The following CDC42BPA variants were observed in gnomAD, a reference collection of about 807,000 sequenced individuals.
The protein encoded by CDC42BPA is CDC42 binding protein kinase alpha.
Under a neutral mutation model 223.5 loss-of-function variants are expected in CDC42BPA, and 80 were observed. The ratio of observed to expected loss-of-function variants is 0.36; its 90% CI spans 0.30 to 0.43. The LOEUF (loss-of-function observed/expected upper bound fraction) is 0.43, where lower values mean the gene tolerates loss of function less well. CDC42BPA is among the 20% of genes least tolerant of loss of function. The pLI, the probability that CDC42BPA is intolerant of heterozygous loss-of-function variation, is 1.00. For missense variants in CDC42BPA, 1,743 were observed against 2,099.9 expected (o/e 0.83, Z 3.32); for synonymous variants, 694 against 718.6 (o/e 0.97, Z 0.55).
intron 34 of CDC42BPA, among the ~76,000 whole-genome samples, chr1:227,009,644 AGGCT>A (rs1664785452): frequency 6.6e-6 from 1 of 151,940 alleles, no homozygotes; most frequent in South Asian, 2.1e-4. Context: ...TCAAACTCCT[AGGCT>A]CAAGTGGTCC....
chr1:227,240,826 T>C (rs1679892531), intron 2 of CDC42BPA, among the ~76,000 whole-genome samples: 1 of 151,908 alleles, frequency 6.6e-6, no homozygotes, highest in African/African-American at 2.4e-5. Context: ...GATCTGAGTA[T>C]AAACAAGGAT....
chr1:227,011,302 A>T (rs1174721785), intron 34 of CDC42BPA, among the ~76,000 whole-genome samples: 1 of 152,222 alleles, frequency 6.6e-6, no homozygotes, highest in East Asian at 1.9e-4. Flanking sequence ...AAAATAAGTA[A>T]GGAGAAATTG....
At chr1:227,221,868 C>A in intron 2 of CDC42BPA, among the ~76,000 whole-genome samples, 1 of 151,550 alleles carries the variant, frequency 6.6e-6, no homozygotes, top group East Asian at 1.9e-4. Flanking sequence ...AGCCATAAAA[C>A]CTAAAAATAT....
chr1:227,040,976 T>C (rs1671247006), intron 23 of CDC42BPA, among the ~76,000 whole-genome samples: 1 of 152,210 alleles, frequency 6.6e-6, no homozygotes, highest in African/African-American at 2.4e-5. Context: ...AAATAACCTT[T>C]CATTCTGTTG....
chr1:227,254,384 T>C (rs928978372), intron 1 of CDC42BPA, among the ~76,000 whole-genome samples: 8 of 152,220 alleles, frequency 5.3e-5, no homozygotes, highest in Non-Finnish European at 1.0e-4. Flanking sequence ...GAGAAATGTA[T>C]GTTTAAACTC....
chr1:227,053,204 G>C (rs116582527), intron 21 of CDC42BPA, among the ~76,000 whole-genome samples: 12 of 152,312 alleles, frequency 7.9e-5, no homozygotes, highest in Non-Finnish European at 1.3e-4. Context: ...GTTAAAAACA[G>C]TCAACTTCTG....
intron 1 of CDC42BPA, among the ~76,000 whole-genome samples, chr1:227,264,422 G>C (rs1392934578): frequency 7.0e-6 from 1 of 143,552 alleles, no homozygotes; most frequent in East Asian, 1.9e-4. Flanking sequence ...AAAGATTCCA[G>C]GATCAGATTT....
At chr1:227,237,874 T>TA (rs1679349718) in intron 2 of CDC42BPA, among the ~76,000 whole-genome samples, 1 of 151,736 alleles carries the variant, frequency 6.6e-6, no homozygotes, top group Non-Finnish European at 1.5e-5. Context: ...ACCCTGTCTC[T>TA]ACTAAGAATA....
intron 14 of CDC42BPA, among the ~76,000 whole-genome samples, chr1:227,104,895 CTG>C (rs1458420507): frequency 2.0e-5 from 3 of 152,106 alleles, no homozygotes; most frequent in Non-Finnish European, 4.4e-5. Flanking sequence ...TGAGACAGTT[CTG>C]TGTTTTAAGC....
rs568954921 is a variant in CDC42BPA, at chr1:227,084,442, C to T, written c.2356-3425G>A. 1.5e-4 allele frequency among the ~76,000 whole-genome samples: 22 copies of T among 151,136 alleles called. No individual in the cohort carries two copies. In the East Asian group the frequency reaches 2.9e-3, roughly 20 times the overall value. On this transcript the variant is annotated intron_variant, in intron 16 of 36. Coordinates refer to ENST00000366766, the MANE Select transcript of CDC42BPA (RefSeq NM_001394014.1). ...ACTTGGGAGGCTGAGGCAGGAAAATCGCTTGAACTCAGGAGGCGGAGGTTG... is the reference window on the plus strand; with the variant it reads ...ACTTGGGAGGCTGAGGCAGGAAAATTGCTTGAACTCAGGAGGCGGAGGTTG...
chr1:227,301,564 T>C (rs992792115), intron 1 of CDC42BPA, among the ~76,000 whole-genome samples: 1 of 152,174 alleles, frequency 6.6e-6, no homozygotes, highest in African/African-American at 2.4e-5. Flanking sequence ...TTCACTATGT[T>C]GGCTAGGATG....
intron 4 of CDC42BPA, among the ~76,000 whole-genome samples, chr1:227,199,289 G>C (rs554763361): frequency 6.6e-6 from 1 of 152,206 alleles, no homozygotes; most frequent in South Asian, 2.1e-4. Flanking sequence ...AAAAACTCCT[G>C]AAGACCGTCT....
At chr1:227,059,495 A>G in intron 21 of CDC42BPA, 2 of 1,225,284 alleles carry the variant, frequency 1.6e-6, no homozygotes, top group East Asian at 5.1e-5. Context: ...ATTAACAGAC[A>G]AAGTATATAA....
intron 12 of CDC42BPA, among the ~76,000 whole-genome samples, chr1:227,113,738 C>T (rs1266850204): frequency 2.0e-5 from 3 of 151,790 alleles, no homozygotes; most frequent in African/African-American, 7.3e-5. Context: ...TAAGGCCAGG[C>T]ACAGTTGCTC....
chr1:227,130,210 T>C (rs964728716), intron 10 of CDC42BPA, among the ~76,000 whole-genome samples: 1 of 152,218 alleles, frequency 6.6e-6, no homozygotes, highest in Admixed American at 6.5e-5. Flanking sequence ...GATTCTCACA[T>C]AATAAGTCTC....
chr1:227,132,048 A>C (rs1657216839), intron 10 of CDC42BPA, among the ~76,000 whole-genome samples: 1 of 137,696 alleles, frequency 7.3e-6, no homozygotes, highest in Non-Finnish European at 1.6e-5. Flanking sequence ...TCAGAGTGTG[A>C]AACTCTCTCT....
chr1:227,234,575 C>A (rs1377370850), intron 2 of CDC42BPA: 1 of 152,258 alleles, frequency 6.6e-6, no homozygotes, highest in Non-Finnish European at 1.5e-5. Flanking sequence ...GGCTTTCCTT[C>A]TCAAACCTAG....
At chr1:227,120,276 T>C (rs1688434777) in intron 11 of CDC42BPA, among the ~76,000 whole-genome samples, 1 of 152,198 alleles carries the variant, frequency 6.6e-6, no homozygotes, top group Non-Finnish European at 1.5e-5. Flanking sequence ...CAAGTTTTAC[T>C]GCAGTGTTGG....
chr1:227,180,062 C>T (rs1011898396), intron 5 of CDC42BPA, among the ~76,000 whole-genome samples: 3 of 152,006 alleles, frequency 2.0e-5, no homozygotes, highest in African/African-American at 4.8e-5. Context: ...AAAACTTAGC[C>T]GGGCATGGTG....
Sources: gnomAD v4.1 joint callset for allele counts (sites outside exome capture counted in the v4.1 genomes callset) on GRCh38, gnomAD v4.1.1 for gene constraint, MANE v1.5 for transcripts, NCBI Gene and HGNC (gene_info 2026-07-23, HGNC 2026-07-21) for gene names.